Variants in BCAS3 observed in about 807,000 individuals in gnomAD.
The protein encoded by BCAS3 is BCAS3 microtubule associated cell migration factor.
BCAS3 carries 53 observed loss-of-function variants against 116.1 expected under a neutral mutation model. The ratio of observed to expected loss-of-function variants is 0.46; its 90% confidence interval spans 0.37 to 0.57. BCAS3 has a LOEUF of 0.57. Among genes scored for constraint, BCAS3 ranks in the 20% least tolerant of loss-of-function variants. The pLI is 0.00. For missense variants in BCAS3, 917 were observed against 1,165.4 expected (o/e 0.79, Z 3.10); for synonymous variants, 391 against 408.2 (o/e 0.96, Z 0.51).
In BCAS3 at chr17:60,989,808, A is replaced by G. The variant is rs537065729; in HGVS notation, c.1222-163A>G. Among the ~76,000 whole-genome samples the G allele has an allele frequency of 6.6e-5, 10 of 152,340 alleles. No individual in the cohort carries two copies. The South Asian group carries it at 1.2e-3, about 19-fold the overall frequency. Reference sequence around the variant, plus strand: ...CCTAATGGAGTTTTGATCAACAGTCATTGTGAAATGCATCTGTAGAGTAAA... The same window carrying G: ...CCTAATGGAGTTTTGATCAACAGTCGTTGTGAAATGCATCTGTAGAGTAAA... On this transcript the variant is annotated intron_variant, in intron 14 of 23. Transcript: ENST00000407086.
intron 15 of BCAS3, among the ~76,000 whole-genome samples, chr17:61,014,114 T>G (rs2065284446): frequency 6.6e-6 from 1 of 152,140 alleles, no homozygotes; most frequent in Non-Finnish European, 1.5e-5. Flanking sequence ...CTGTGGTTAT[T>G]TAAAAAATAC....
At chr17:60,685,584 G>T (rs111932172) in intron 3 of BCAS3, among the ~76,000 whole-genome samples, 5,432 of 152,196 alleles carry the variant, frequency 0.036, 130 homozygotes, top group Admixed American at 0.053. Flanking sequence ...GTAAACTCGG[G>T]TTAATCATCT....
intron 22 of BCAS3, among the ~76,000 whole-genome samples, chr17:61,268,836 G>T (rs930879434): frequency 6.6e-6 from 1 of 152,120 alleles, no homozygotes; most frequent in Admixed American, 6.5e-5. Flanking sequence ...GGGATTACAG[G>T]CGTGAGCCAC....
At chr17:61,306,050 G>C (rs1478562118) in intron 22 of BCAS3, among the ~76,000 whole-genome samples, 1 of 152,202 alleles carries the variant, frequency 6.6e-6, no homozygotes, top group Admixed American at 6.5e-5. Flanking sequence ...CCCTTAACCA[G>C]AGTTCTGGAA....
At chr17:61,372,561 C>A (rs1041999110) in intron 23 of BCAS3, among the ~76,000 whole-genome samples, 4 of 152,172 alleles carry the variant, frequency 2.6e-5, no homozygotes, top group African/African-American at 7.2e-5. Flanking sequence ...TTCCTTCTCT[C>A]GAGTTTCCCC....
rs531843488 is a variant in BCAS3, at chr17:60,757,368, T to A, written c.403+10089T>A. On this transcript the variant is annotated intron_variant, in intron 6 of 23. Coordinates refer to ENST00000407086, the MANE Select transcript of BCAS3 (RefSeq NM_017679.5). ...TAAATAAATAAATAAATAAATGAGT[T>A]TCTCTGCATCCTTGCCAGCATGTAT... is the stretch of plus-strand genomic sequence containing the variant. 1.5e-4 allele frequency among the ~76,000 whole-genome samples: 22 copies of A among 143,518 alleles called. No individual in the cohort carries two copies. In the South Asian group the frequency reaches 4.3e-3, roughly 28 times the overall value. 94.2% of individuals were successfully genotyped at this position (143,518 alleles called of 152,430 possible). A position where few individuals can be genotyped will look rare whatever the true frequency, so the allele number is the denominator to read the frequency against.
In BCAS3 at chr17:61,388,553, T is replaced by A; in HGVS notation, c.2594-3424T>A. On this transcript the variant is annotated intron_variant, in intron 23 of 23. Coordinates refer to ENST00000407086, the MANE Select transcript of BCAS3 (RefSeq NM_017679.5). This position sits in a 1 kb window ranked among gnomAD's most constrained non-coding sequence, Gnocchi z 6.5. ...CTCTCCACCTGCTTGCAGAGATCAG[T>A]GTACTTCTCAATCGTTGTCCATATC... is the stretch of plus-strand genomic sequence containing the variant. 6.9e-7 allele frequency: 1 copy of A among 1,455,326 alleles called. No homozygotes were observed. The allele number at this position is 1,455,326 out of a possible 1,614,324, so 90.2% of individuals were successfully genotyped here. A position where few individuals can be genotyped will look rare whatever the true frequency, so the allele number is the denominator to read the frequency against.
chr17:60,710,664 C>CTCG (rs772043258), intron 5 of BCAS3, among the ~76,000 whole-genome samples: 38 of 151,766 alleles, frequency 2.5e-4, no homozygotes, highest in Non-Finnish European at 4.4e-4. Context: ...ATCTGCTGAC[C>CTCG]TCGTGATCCG....
intron 22 of BCAS3, among the ~76,000 whole-genome samples, chr17:61,212,331 G>C (rs1293937984): frequency 1.3e-5 from 2 of 152,040 alleles, no homozygotes; most frequent in African/African-American, 4.8e-5. Context: ...TCGAACTCCT[G>C]GGCTGAAGTG....
intron 22 of BCAS3, among the ~76,000 whole-genome samples, chr17:61,212,504 T>C (rs1303879155): frequency 1.3e-5 from 2 of 151,728 alleles, no homozygotes; most frequent in African/African-American, 4.8e-5. Flanking sequence ...CTACCTAAAT[T>C]TTGTTATATT....
At chr17:60,703,937 GAAAAAA>G (rs918524218) in intron 4 of BCAS3, among the ~76,000 whole-genome samples, 1 of 140,080 alleles carries the variant, frequency 7.1e-6, no homozygotes, top group Non-Finnish European at 1.5e-5. Context: ...AAGAAAAAAA[GAAAAAA>G]AAAAGAAAGA....
intron 22 of BCAS3, among the ~76,000 whole-genome samples, chr17:61,304,536 A>C (rs923291371): frequency 6.6e-6 from 1 of 152,140 alleles, no homozygotes; most frequent in African/African-American, 2.4e-5. Context: ...CTCAGCACGT[A>C]ACGTCACCTC....
intron 22 of BCAS3, among the ~76,000 whole-genome samples, chr17:61,267,431 T>A (rs2049830946): frequency 6.6e-6 from 1 of 151,808 alleles, no homozygotes; most frequent in Non-Finnish European, 1.5e-5. Context: ...AGACTTTTAT[T>A]TTTTGAAAAG....
intron 22 of BCAS3, among the ~76,000 whole-genome samples, chr17:61,291,544 G>A (rs1014388576): frequency 1.3e-5 from 2 of 152,112 alleles, no homozygotes; most frequent in Admixed American, 6.5e-5. Flanking sequence ...ATATTTGCCG[G>A]GAAAAAAATG....
rs769574841 is a variant in BCAS3, at chr17:61,347,206, C to T, written c.2426-21121C>T. Among the ~76,000 whole-genome samples, 3 of 152,138 alleles carry T rather than the reference C, an allele frequency of 2.0e-5. No individual in the cohort carries two copies. The highest frequency in any genetic ancestry group is 4.4e-5 in the Non-Finnish European group (3 of 68,024). On this transcript the variant is annotated intron_variant, in intron 22 of 23. Coordinates refer to ENST00000407086, the MANE Select transcript of BCAS3 (RefSeq NM_017679.5). The surrounding 1 kb of genome is among the most constrained non-coding windows in gnomAD (Gnocchi z 4.3). ...TCTCCTGCCTCCCGCCTCAGCCTCCCGAGTAGCTGGGATTACAGGCATGCA... is the reference window on the plus strand; with the variant it reads ...TCTCCTGCCTCCCGCCTCAGCCTCCTGAGTAGCTGGGATTACAGGCATGCA...
rs9915354 is a variant in BCAS3 at position 60,772,484 on chromosome 17, T to A, written c.403+25205T>A. 2.7e-4 allele frequency among the ~76,000 whole-genome samples: 41 copies of A among 151,990 alleles called. 1 individual carries two copies. The highest frequency in any genetic ancestry group is 8.8e-5 in the Non-Finnish European group (6 of 67,988). ...CTTTGTCAGATGGGTAGATTGCAAA[T>A]ATTTTCTCCCATTCTGTAGGTTGCC... On this transcript the variant is annotated intron_variant, in intron 6 of 23. Transcript: ENST00000407086.
At chr17:60,842,354 A>G (rs1480596777) in intron 7 of BCAS3, among the ~76,000 whole-genome samples, 3 of 152,142 alleles carry the variant, frequency 2.0e-5, no homozygotes, top group South Asian at 4.1e-4. Context: ...GAATTAGGAT[A>G]CTTATAATCA....
chr17:60,708,523 TA>T (rs1225233968), intron 4 of BCAS3, among the ~76,000 whole-genome samples: 3 of 151,670 alleles, frequency 2.0e-5, no homozygotes, highest in African/African-American at 7.3e-5. Context: ...CAAGCCCAGC[TA>T]ATAATAATAA....
At chr17:60,771,990 C>A (rs904471219) in intron 6 of BCAS3, among the ~76,000 whole-genome samples, 4 of 152,204 alleles carry the variant, frequency 2.6e-5, no homozygotes, top group Non-Finnish European at 4.4e-5. Context: ...AGTCTTTGCT[C>A]TTGTGAATAG....
Sources: gnomAD v4.1 joint callset for allele counts (sites outside exome capture counted in the v4.1 genomes callset) on GRCh38, gnomAD v4.1.1 for gene constraint, Gnocchi (gnomAD v3.1) non-coding constraint, MANE v1.5 for transcripts, NCBI Gene and HGNC (gene_info 2026-07-23, HGNC 2026-07-21) for gene names.